Variants in CDH18 observed in about 807,000 individuals in gnomAD.
CDH18 encodes the protein cadherin-18.
A neutral mutation model predicts 67.9 loss-of-function variants in CDH18; 31 were observed. The ratio of observed to expected loss-of-function variants is 0.46; its 90% confidence interval spans 0.34 to 0.62. The LOEUF (loss-of-function observed/expected upper bound fraction) is 0.62, where lower values mean the gene tolerates loss of function less well. Among genes scored for constraint, CDH18 ranks in the 20% least tolerant of loss-of-function variants. The pLI is 0.01. For synonymous variants in CDH18, 362 were observed against 347.2 expected (o/e 1.04, Z -0.48); for missense variants, 890 against 975.5 (o/e 0.91, Z 1.17).
chr5:20,176,237 C>A (rs1482394807), intron 2 of CDH18, among the ~76,000 whole-genome samples: 1 of 152,144 alleles, frequency 6.6e-6, no homozygotes, highest in Non-Finnish European at 1.5e-5. Context: ...AACAACTGTG[C>A]TAAGTCACCA....
chr5:19,803,174 A>G (rs1450437875), intron 3 of CDH18, among the ~76,000 whole-genome samples: 4 of 152,232 alleles, frequency 2.6e-5, no homozygotes, highest in Non-Finnish European at 4.4e-5. Context: ...ATAACAATGC[A>G]TGCTATCTGA....
At chr5:19,820,531 C>T (rs1779764886) in intron 3 of CDH18, among the ~76,000 whole-genome samples, 1 of 152,230 alleles carries the variant, frequency 6.6e-6, no homozygotes, top group Non-Finnish European at 1.5e-5. Flanking sequence ...CCACAACCCA[C>T]TTTGACTCTG....
chr5:19,805,022 C>T (rs754718820), intron 3 of CDH18, among the ~76,000 whole-genome samples: 10 of 151,756 alleles, frequency 6.6e-5, no homozygotes, highest in African/African-American at 1.5e-4. Context: ...TCTCAACTCA[C>T]GGCAGCCTCT....
At chr5:20,244,505 A>C (rs1229465508) in intron 2 of CDH18, among the ~76,000 whole-genome samples, 2 of 152,096 alleles carry the variant, frequency 1.3e-5, no homozygotes, top group Non-Finnish European at 2.9e-5. Context: ...AGAACAACCA[A>C]ATATATTTGA....
At chr5:20,135,607 T>C (rs1749641323) in intron 2 of CDH18, among the ~76,000 whole-genome samples, 1 of 152,198 alleles carries the variant, frequency 6.6e-6, no homozygotes, top group Non-Finnish European at 1.5e-5. Flanking sequence ...TCAGCTCTGA[T>C]CATAGTTATT....
In CDH18 at chr5:19,471,313, A is replaced by G. The variant is rs1441850603; in HGVS notation, c.*1913T>C. Among the ~76,000 whole-genome samples, 1 of 152,158 alleles carries G rather than the reference A, an allele frequency of 6.6e-6. No individual in the cohort carries two copies. The highest frequency in any genetic ancestry group is 2.4e-5 in the African/African-American group (1 of 41,452). The stretch of plus-strand genomic sequence containing the variant: ...AACTAAAATGTCGTAAAAAGCTTAA[A>G]TTACATTTTATTCCTCAGGCTTAAA... On this transcript the variant is annotated 3_prime_UTR_variant, in exon 13 of 13. Transcript: ENST00000382275.
chr5:19,547,843 T>G (rs1736611935), intron 8 of CDH18, among the ~76,000 whole-genome samples: 1 of 152,166 alleles, frequency 6.6e-6, no homozygotes, highest in South Asian at 2.1e-4. Flanking sequence ...AATTGAATTT[T>G]GACTCAAGTA....
intron 2 of CDH18, among the ~76,000 whole-genome samples, chr5:20,023,426 G>A (rs62354676): frequency 0.31 from 46,597 of 151,862 alleles, 8,133 homozygotes; most frequent in Non-Finnish European, 0.38. Context: ...TTTATAGGCC[G>A]AGGCGGGCGG....
intron 1 of CDH18, among the ~76,000 whole-genome samples, chr5:20,318,700 C>T (rs4423998): frequency 0.17 from 25,444 of 152,000 alleles, 2,581 homozygotes; most frequent in East Asian, 0.29. Flanking sequence ...CAGATGGTGA[C>T]GATGGTGACA....
chr5:20,535,711 C>T (rs1379528029), intron 1 of CDH18, among the ~76,000 whole-genome samples: 1 of 152,076 alleles, frequency 6.6e-6, no homozygotes, highest in Admixed American at 6.6e-5. Context: ...AAGTGTTTTA[C>T]CTAATGAATT....
chr5:19,877,050 C>T (rs1016001691), intron 2 of CDH18, among the ~76,000 whole-genome samples: 2 of 152,036 alleles, frequency 1.3e-5, no homozygotes, highest in African/African-American at 2.4e-5. Context: ...AATGAATCCC[C>T]CAATGACTAT....
chr5:20,381,156 G>A (rs945376786), intron 1 of CDH18, among the ~76,000 whole-genome samples: 1 of 152,124 alleles, frequency 6.6e-6, no homozygotes, highest in Non-Finnish European at 1.5e-5. Flanking sequence ...CCGCCAAGTA[G>A]AGAAGGCACA....
chr5:20,418,242 A>ATTTTTTTTTTTTTT (rs58308147), intron 1 of CDH18, among the ~76,000 whole-genome samples: 2,161 of 56,780 alleles, frequency 0.038, 390 homozygotes, highest in Middle Eastern at 0.056. Flanking sequence ...CTGCTGGCTA[A>ATTTTTTTTTTTTTT]TTTTTTTTTT....
At chr5:20,108,427 CTTATT>C (rs1747170847) in intron 2 of CDH18, among the ~76,000 whole-genome samples, 2 of 152,154 alleles carry the variant, frequency 1.3e-5, no homozygotes, top group South Asian at 4.2e-4. Context: ...TCCAAACAGT[CTTATT>C]TCGAGGAACT....
intron 2 of CDH18, among the ~76,000 whole-genome samples, chr5:19,860,095 T>C (rs1012371299): frequency 6.6e-6 from 1 of 152,036 alleles, no homozygotes; most frequent in Non-Finnish European, 1.5e-5. Flanking sequence ...TGGAACTTTA[T>C]AGCAATCTGT....
At chr5:20,490,101 CTAAT>C (rs1753497023) in intron 1 of CDH18, among the ~76,000 whole-genome samples, 1 of 150,600 alleles carries the variant, frequency 6.6e-6, no homozygotes, top group African/African-American at 2.4e-5. Context: ...ATTAATAATA[CTAAT>C]TAATAAATAA....
intron 8 of CDH18, among the ~76,000 whole-genome samples, chr5:19,546,768 T>A (rs775195650): frequency 6.6e-6 from 1 of 152,034 alleles, no homozygotes; most frequent in Non-Finnish European, 1.5e-5. Flanking sequence ...AATAGCAGCA[T>A]GGAGAATGAA....
intron 2 of CDH18, among the ~76,000 whole-genome samples, chr5:19,994,225 AT>A (rs1800140592): frequency 1.3e-5 from 2 of 151,534 alleles, no homozygotes; most frequent in Admixed American, 6.6e-5. Context: ...GTATATGTGC[AT>A]ACATGTATAT....
chr5:20,042,865 G>C (rs2150475770), intron 2 of CDH18, among the ~76,000 whole-genome samples: 1 of 152,082 alleles, frequency 6.6e-6, no homozygotes, highest in South Asian at 2.1e-4. Context: ...GGGAGGCTGA[G>C]GCAGGAGAAT....
Sources: gnomAD v4.1 joint callset for allele counts (sites outside exome capture counted in the v4.1 genomes callset) on GRCh38, gnomAD v4.1.1 for gene constraint, MANE v1.5 for transcripts, NCBI Gene and HGNC (gene_info 2026-07-23, HGNC 2026-07-21) for gene names.